The following ZNF362 variants were observed in gnomAD, a reference collection of about 807,000 sequenced individuals.
ZNF362 encodes zinc finger protein 362, also known as rotund homolog.
ZNF362 carries 11 observed loss-of-function variants against 42.9 expected under a neutral mutation model. The ratio of observed to expected loss-of-function variants is 0.26; its 90% CI spans 0.16 to 0.42. The LOEUF is 0.42. Ranked by LOEUF, ZNF362 falls within the 20% of genes least tolerant of loss-of-function variation. ZNF362 has a pLI of 1.00. For missense variants in ZNF362, 362 were observed against 576.2 expected (o/e 0.63, Z 3.81); for synonymous variants, 255 against 257.3 (o/e 0.99, Z 0.09).
chr1:33,152,812 C>T, the ZNF362 span, among the ~76,000 whole-genome samples: 32,437 of 151,796 alleles, frequency 0.21, 3,545 homozygotes, highest in South Asian at 0.3. Flanking sequence ...AGGAATGTGC[C>T]GGGACTCAAA....
At chr1:33,219,890 G>A in the ZNF362 span, among the ~76,000 whole-genome samples, 3 of 152,022 alleles carry the variant, frequency 2.0e-5, no homozygotes, top group Admixed American at 6.5e-5. Context: ...TTCCTTTCCC[G>A]TCTTCCTCCT....
At chr1:33,157,406 C>T in the ZNF362 span, among the ~76,000 whole-genome samples, 1 of 152,156 alleles carries the variant, frequency 6.6e-6, no homozygotes, top group Non-Finnish European at 1.5e-5. Flanking sequence ...CAGCCCTTGA[C>T]TCTAATGCTT....
At chr1:33,177,004 G>A in the ZNF362 span, among the ~76,000 whole-genome samples, 1 of 152,040 alleles carries the variant, frequency 6.6e-6, no homozygotes, top group Non-Finnish European at 1.5e-5. This position sits in a 1 kb window ranked among gnomAD's most constrained non-coding sequence, Gnocchi z 4.1. Flanking sequence ...CTCAGCAGTG[G>A]AGGTGGGGAG....
At chr1:33,271,400 C>T (rs1645903162) in intron 2 of ZNF362, among the ~76,000 whole-genome samples, 1 of 152,230 alleles carries the variant, frequency 6.6e-6, no homozygotes, top group Non-Finnish European at 1.5e-5. Flanking sequence ...CATCACCTCC[C>T]CTGGGAAGTC....
intron 1 of ZNF362, among the ~76,000 whole-genome samples, chr1:33,257,739 G>A (rs953786726): frequency 6.6e-6 from 1 of 152,184 alleles, no homozygotes; most frequent in South Asian, 2.1e-4. Flanking sequence ...CCCCTGGCAT[G>A]AGGAAATAAT....
At chr1:33,177,120 T>C in the ZNF362 span, among the ~76,000 whole-genome samples, 14 of 151,276 alleles carry the variant, frequency 9.3e-5, no homozygotes, top group African/African-American at 3.2e-4. The surrounding 1 kb of genome is among the most constrained non-coding windows in gnomAD (Gnocchi z 4.1). Flanking sequence ...CACATGCATG[T>C]ACGCATGCAC....
the ZNF362 span, among the ~76,000 whole-genome samples, chr1:33,186,651 CA>C: frequency 6.9e-6 from 1 of 145,684 alleles, no homozygotes; most frequent in Admixed American, 7.0e-5. Flanking sequence ...TACTAAAAAA[CA>C]AAAATTAGCT....
At chr1:33,162,103 T>C in the ZNF362 span, among the ~76,000 whole-genome samples, 1 of 152,218 alleles carries the variant, frequency 6.6e-6, no homozygotes, top group African/African-American at 2.4e-5. Context: ...CTCTTGTCTT[T>C]GCCAGCAAAC....
the ZNF362 span, among the ~76,000 whole-genome samples, chr1:33,237,738 T>A: frequency 6.9e-3 from 1,057 of 152,318 alleles, 54 homozygotes; most frequent in Admixed American, 0.062. Flanking sequence ...TTCCCAGGCC[T>A]CTTGTAGCCA....
rs148059716 is a variant in ZNF362, at chr1:33,299,526, G to A, written c.*480G>A. 6.4e-6 allele frequency: 1 copy of A among 155,900 alleles called. No individual in the cohort carries two copies. The highest frequency in any genetic ancestry group is 1.9e-4 in the East Asian group (1 of 5,274). The allele number at this position is 155,900 out of a possible 1,614,324, so 9.7% of individuals were successfully genotyped here. ...GGTCTTGAGGGAAGGCTCGGGCCTAGGTTTCTGGACTGCAAAGGGGACCCC... is the reference window on the plus strand; with the variant it reads ...GGTCTTGAGGGAAGGCTCGGGCCTAAGTTTCTGGACTGCAAAGGGGACCCC... On this transcript the variant is annotated 3_prime_UTR_variant, in exon 9 of 9. Transcript: ENST00000539719.
chr1:33,158,901 C>T, the ZNF362 span, among the ~76,000 whole-genome samples: 4 of 151,644 alleles, frequency 2.6e-5, no homozygotes, highest in Middle Eastern at 3.4e-3. Context: ...AGTGCAATGG[C>T]GCGATCTCAG....
the ZNF362 span, among the ~76,000 whole-genome samples, chr1:33,206,130 C>T: frequency 2.6e-5 from 4 of 151,956 alleles, no homozygotes; most frequent in African/African-American, 9.7e-5. Flanking sequence ...AAACTTGAGC[C>T]ATAACTTCAA....
the ZNF362 span, among the ~76,000 whole-genome samples, chr1:33,203,132 C>T: frequency 6.6e-6 from 1 of 152,128 alleles, no homozygotes; most frequent in Non-Finnish European, 1.5e-5. Context: ...ATCTACATCT[C>T]CCTATTTACT....
the ZNF362 span, among the ~76,000 whole-genome samples, chr1:33,241,162 C>A: frequency 6.6e-6 from 1 of 150,512 alleles, no homozygotes; most frequent in Admixed American, 6.7e-5. Flanking sequence ...ACAAAAAAAT[C>A]AGTCCTGATC....
At chr1:33,137,301 C>G in the ZNF362 span, among the ~76,000 whole-genome samples, 1 of 152,178 alleles carries the variant, frequency 6.6e-6, no homozygotes, top group Non-Finnish European at 1.5e-5. Flanking sequence ...TCTTAACTCT[C>G]TGGACCTTGT....
At chr1:33,233,244 C>T in the ZNF362 span, among the ~76,000 whole-genome samples, 1 of 152,222 alleles carries the variant, frequency 6.6e-6, no homozygotes, top group African/African-American at 2.4e-5. Context: ...CTAAGATAGT[C>T]TATTTACTTT....
chr1:33,143,254 C>T, the ZNF362 span: 1 of 152,200 alleles, frequency 6.6e-6, no homozygotes, highest in Non-Finnish European at 1.5e-5. Context: ...GTTACTTCCA[C>T]ACACGTGGAA....
At position 33,266,437 on chromosome 1, in the gene ZNF362, G is replaced by C. The variant is rs1333832235; in HGVS notation, c.-88-4050G>C. Among the ~76,000 whole-genome samples, 1 of 152,172 alleles carries C rather than the reference G, an allele frequency of 6.6e-6. No individual in the cohort carries two copies. The highest frequency in any genetic ancestry group is 1.5e-5 in the Non-Finnish European group (1 of 68,044). On this transcript the variant is annotated intron_variant, in intron 1 of 8. Transcript: ENST00000539719. This position sits in a 1 kb window ranked among gnomAD's most constrained non-coding sequence, Gnocchi z 4.3. ...AGGCCTAAAGCATATTTAGGTGCAT[G>C]GTATTAATACAAAGGTGGGGTAGGG...
the ZNF362 span, among the ~76,000 whole-genome samples, chr1:33,189,661 A>ATATG: frequency 5.0e-5 from 1 of 20,014 alleles, no homozygotes; most frequent in Non-Finnish European, 1.4e-4. Flanking sequence ...ATATATATAT[A>ATATG]TATATATATA....
Sources: gnomAD v4.1 joint callset for allele counts (sites outside exome capture counted in the v4.1 genomes callset) on GRCh38, gnomAD v4.1.1 for gene constraint, Gnocchi (gnomAD v3.1) non-coding constraint, MANE v1.5 for transcripts, NCBI Gene and HGNC (gene_info 2026-07-23, HGNC 2026-07-21) for gene names.